The following PKN2 variants were observed in gnomAD, a reference collection of about 807,000 sequenced individuals.
PKN2 encodes serine/threonine-protein kinase N2.
Under a neutral mutation model 119.1 loss-of-function variants are expected in PKN2, and 38 were observed. The observed-to-expected ratio is 0.32, with a 90% CI of 0.25 to 0.42. The LOEUF (loss-of-function observed/expected upper bound fraction) is 0.42, where lower values mean the gene tolerates loss of function less well. PKN2 is among the 10% of genes least tolerant of loss of function. PKN2 has a pLI of 1.00. For synonymous variants in PKN2, 390 were observed against 384.9 expected, an observed-to-expected ratio of 1.01 and a Z score of -0.15; for missense variants, 850 against 1,165.1, an observed-to-expected ratio of 0.73 and a Z score of 3.94.
chr1:88,812,051 TTAAA>T (rs1421470100), intron 15 of PKN2, among the ~76,000 whole-genome samples: 1 of 152,188 alleles, frequency 6.6e-6, no homozygotes, highest in Non-Finnish European at 1.5e-5. Flanking sequence ...GCTTAAAGTT[TTAAA>T]TAAAGTTGGA....
chr1:88,811,040 C>T (rs1009915882), intron 15 of PKN2, among the ~76,000 whole-genome samples: 3 of 152,086 alleles, frequency 2.0e-5, no homozygotes, highest in Non-Finnish European at 4.4e-5. Context: ...TTTAAGTGAA[C>T]ACAAATTATG....
At chr1:88,784,410 C>A (rs1388444855) in intron 6 of PKN2, among the ~76,000 whole-genome samples, 1 of 151,968 alleles carries the variant, frequency 6.6e-6, no homozygotes, top group Non-Finnish European at 1.5e-5. Flanking sequence ...CTGTGCCCAG[C>A]CAGGAGGTGC....
rs750590810 is a variant in PKN2, at chr1:88,833,386, A to G, written c.2893A>G (p.Ile965Val). The G allele has an allele frequency of 2.5e-5, 41 of 1,613,318 alleles. 1 individual carries two copies. In the East Asian group the frequency reaches 8.7e-4, roughly 34 times the overall value. Residue 965 changes from isoleucine (I) to valine (V), a missense_variant, in exon 22 of 22, where the codon ATA becomes GTA. By Grantham distance (29) the Ile-to-Val change is conservative. Coordinates refer to ENST00000370521, the MANE Select transcript of PKN2 (RefSeq NM_006256.4). Reference protein sequence around the residue: ...PILTPPREPRILSEEEQEMFR... With the variant: ...PILTPPREPRVLSEEEQEMFR... The stretch of plus-strand genomic sequence containing the variant: ...TCTGACTCCACCTCGAGAACCAAGG[A>G]TACTTTCGGAAGAGGAGCAGGAAAT...
At chr1:88,767,790 A>G (rs1309271435) in intron 3 of PKN2, among the ~76,000 whole-genome samples, 1 of 152,188 alleles carries the variant, frequency 6.6e-6, no homozygotes, top group South Asian at 2.1e-4. Context: ...CCTCCATGGT[A>G]TATTAACCTG....
chr1:88,723,113 A>G (rs1253231040), intron 1 of PKN2, among the ~76,000 whole-genome samples: 1 of 150,516 alleles, frequency 6.6e-6, no homozygotes, highest in Non-Finnish European at 1.5e-5. Context: ...GAAGCCAGGT[A>G]TCTTTTTTTT....
intron 1 of PKN2, among the ~76,000 whole-genome samples, chr1:88,699,170 G>T (rs554478524): frequency 1.0e-3 from 157 of 151,924 alleles, no homozygotes; most frequent in African/African-American, 3.7e-3. Flanking sequence ...GAACATAGTT[G>T]GATCACCTGG....
At chr1:88,806,086 A>G (rs768220619) in intron 12 of PKN2, 69 bp downstream of exon 12, 367 of 1,291,576 alleles carry the variant, frequency 2.8e-4, no homozygotes, top group Non-Finnish European at 3.9e-4. Flanking sequence ...ATCATAGTGA[A>G]TAAGGCGTGT....
At position 88,760,254 on chromosome 1, in the gene PKN2, G is replaced by T; in HGVS notation, c.382G>T (p.Asp128Tyr). Reference sequence around the variant, plus strand: ...AAGGACTCCAGATACTCCAAATAATGACCCTCGTTGTTCTACTAGCAACAA... The same window carrying T: ...AAGGACTCCAGATACTCCAAATAATTACCCTCGTTGTTCTACTAGCAACAA... ...CPRTPDTPNN[D>Y]PRCSTSNNRL... Residue 128 changes from aspartate (D) to tyrosine (Y), a missense_variant, in exon 3 of 22, where the codon GAC (aspartate) becomes TAC (tyrosine). Coordinates refer to ENST00000370521, the MANE Select transcript of PKN2 (RefSeq NM_006256.4). 2 of 1,575,504 alleles carry T rather than the reference G, an allele frequency of 1.3e-6. No homozygotes were observed. Among genetic ancestry groups the T allele is most frequent in the Non-Finnish European group, 1.7e-6 (2 of 1,151,158 alleles).
chr1:88,713,704 A>G (rs577477120), intron 1 of PKN2, among the ~76,000 whole-genome samples: 3 of 152,284 alleles, frequency 2.0e-5, no homozygotes, highest in Non-Finnish European at 4.4e-5. Context: ...ATAGATTGCA[A>G]AAATTTTCTC....
chr1:88,703,086 C>T (rs577595178), intron 1 of PKN2, among the ~76,000 whole-genome samples: 300 of 152,258 alleles, frequency 2.0e-3, no homozygotes, highest in Non-Finnish European at 2.5e-3. Flanking sequence ...CCCTTTTCTC[C>T]TTCCTTGGTT....
intron 8 of PKN2, among the ~76,000 whole-genome samples, chr1:88,787,690 C>T (rs1329473422): frequency 6.6e-6 from 1 of 152,196 alleles, no homozygotes; most frequent in African/African-American, 2.4e-5. Context: ...TCTTTCCCTG[C>T]CATTGTAATC....
intron 1 of PKN2, among the ~76,000 whole-genome samples, chr1:88,733,279 A>C (rs72724714): frequency 0.041 from 6,287 of 152,282 alleles, 180 homozygotes; most frequent in Admixed American, 0.071. Flanking sequence ...GCTGTTTTCC[A>C]TAATGGCTAT....
At chr1:88,766,072 C>T (rs1279210427) in intron 3 of PKN2, among the ~76,000 whole-genome samples, 1 of 152,210 alleles carries the variant, frequency 6.6e-6, no homozygotes, top group Non-Finnish European at 1.5e-5. Context: ...CTTGGCCTCC[C>T]AAAGTGCTGG....
intron 6 of PKN2, among the ~76,000 whole-genome samples, chr1:88,772,564 T>G (rs1669939231): frequency 6.6e-6 from 1 of 152,228 alleles, no homozygotes; most frequent in South Asian, 2.1e-4. Flanking sequence ...CTATACTATA[T>G]TTGATTGACC....
intron 19 of PKN2, 137 bp from the exon 20 acceptor site, chr1:88,832,607 A>ATTGTTGTTGTTGTTGTTG (rs3835587): frequency 1.0e-5 from 6 of 576,072 alleles, no homozygotes; most frequent in African/African-American, 9.6e-5. Flanking sequence ...GCATGGGTTT[A>ATTGTTGTTGTTGTTGTTG]TTGTTGTTGT....
chr1:88,722,105 G>A (rs1363419388), intron 1 of PKN2, among the ~76,000 whole-genome samples: 1 of 152,152 alleles, frequency 6.6e-6, no homozygotes, highest in Admixed American at 6.5e-5. Context: ...ATGATAATGA[G>A]CCCTCTTGTT....
chr1:88,814,779 A>T (rs1005570505), intron 16 of PKN2, among the ~76,000 whole-genome samples: 1 of 152,180 alleles, frequency 6.6e-6, no homozygotes, highest in Non-Finnish European at 1.5e-5. Flanking sequence ...CCTGTAGAAT[A>T]TATCCCAAGT....
intron 19 of PKN2, among the ~76,000 whole-genome samples, chr1:88,831,837 A>T (rs919420352): frequency 6.6e-6 from 1 of 152,046 alleles, no homozygotes; most frequent in African/African-American, 2.4e-5. Flanking sequence ...TGATATTTAG[A>T]CATTTGTTTC....
At position 88,835,651 on chromosome 1, in the gene PKN2, ACTTT is replaced by A. The variant is rs1672916463; in HGVS notation, c.*2204_*2207del. 1 of 152,612 alleles carries A rather than the reference ACTTT, an allele frequency of 6.6e-6. No individual in the cohort carries two copies. The highest frequency in any genetic ancestry group is 2.1e-4 in the South Asian group (1 of 4,824). The allele number at this position is 152,612 out of a possible 1,614,324, so 9.5% of individuals were successfully genotyped here. The stretch of plus-strand genomic sequence containing the variant: ...TGTATGTGTATGTGACTGCTCAAGC[ACTTT>A]GTAAAGAAATTAGGATATTTTAGAA... On this transcript the variant is annotated 3_prime_UTR_variant, in exon 22 of 22. Coordinates refer to ENST00000370521, the MANE Select transcript of PKN2 (RefSeq NM_006256.4).
Sources: gnomAD v4.1 joint callset for allele counts (sites outside exome capture counted in the v4.1 genomes callset) on GRCh38, gnomAD v4.1.1 for gene constraint, MANE v1.5 for transcripts, NCBI Gene and HGNC (gene_info 2026-07-23, HGNC 2026-07-21) for gene names.